The following DNAJC1 variants were observed in gnomAD, a reference collection of about 807,000 sequenced individuals.
The protein encoded by DNAJC1 is dnaJ homolog subfamily C member 1.
In DNAJC1, 58 loss-of-function variants were observed where a neutral mutation model predicts 76.6. The observed-to-expected ratio is 0.76, with a 90% CI of 0.61 to 0.94. The LOEUF is 0.94. Ranked by LOEUF, DNAJC1 falls within the 40% of genes least tolerant of loss-of-function variation. The pLI is 0.00. For missense variants in DNAJC1, 689 were observed against 677.3 expected (o/e 1.02, Z -0.19); for synonymous variants, 258 against 267.9 (o/e 0.96, Z 0.36).
At chr10:21,814,977 T>G (rs940988300) in intron 8 of DNAJC1, among the ~76,000 whole-genome samples, 3 of 152,148 alleles carry the variant, frequency 2.0e-5, no homozygotes, top group African/African-American at 7.2e-5. Context: ...TGGATTAAGG[T>G]AGACTCACCA....
intron 1 of DNAJC1, among the ~76,000 whole-genome samples, chr10:21,986,580 T>G (rs1003011861): frequency 2.6e-5 from 4 of 152,156 alleles, no homozygotes; most frequent in African/African-American, 9.7e-5. Flanking sequence ...AAAGTTTTAT[T>G]CTCTATCTGG....
At chr10:21,807,767 T>C (rs1188977371) in intron 8 of DNAJC1, among the ~76,000 whole-genome samples, 2 of 152,174 alleles carry the variant, frequency 1.3e-5, no homozygotes, top group Non-Finnish European at 2.9e-5. Flanking sequence ...ATAAATTCAC[T>C]TATATAAAAA....
intron 8 of DNAJC1, among the ~76,000 whole-genome samples, chr10:21,824,438 A>C (rs1458599698): frequency 2.0e-5 from 3 of 152,248 alleles, no homozygotes; most frequent in African/African-American, 7.2e-5. Context: ...TCGAAACAGG[A>C]AAAGTTTGGC....
At chr10:21,946,450 C>T (rs374119490) in intron 1 of DNAJC1, among the ~76,000 whole-genome samples, 14 of 151,892 alleles carry the variant, frequency 9.2e-5, no homozygotes, top group South Asian at 4.2e-4. Flanking sequence ...CCTACCAGAA[C>T]GGCCAAAATA....
intron 1 of DNAJC1, among the ~76,000 whole-genome samples, chr10:21,965,328 T>A (rs1236244190): frequency 6.6e-6 from 1 of 152,230 alleles, no homozygotes; most frequent in African/African-American, 2.4e-5. Flanking sequence ...AAATTGTGAA[T>A]ATAGTACAGT....
intron 7 of DNAJC1, among the ~76,000 whole-genome samples, chr10:21,885,038 T>A (rs1015931831): frequency 6.6e-6 from 1 of 152,104 alleles, no homozygotes; most frequent in Non-Finnish European, 1.5e-5. Flanking sequence ...AATGTCAATG[T>A]GCTAAATGCC....
At chr10:21,851,220 A>G (rs1835747058) in intron 8 of DNAJC1, among the ~76,000 whole-genome samples, 1 of 152,246 alleles carries the variant, frequency 6.6e-6, no homozygotes, top group Admixed American at 6.5e-5. Flanking sequence ...CTACAGGATG[A>G]GAGAAAATAT....
chr10:21,977,609 A>C (rs576828936), intron 1 of DNAJC1, among the ~76,000 whole-genome samples: 1 of 152,308 alleles, frequency 6.6e-6, no homozygotes, highest in East Asian at 1.9e-4. Context: ...TTCCCAGTGC[A>C]GGGGACCAAA....
chr10:21,958,686 A>G (rs538191606), intron 1 of DNAJC1, among the ~76,000 whole-genome samples: 2 of 152,176 alleles, frequency 1.3e-5, no homozygotes, highest in East Asian at 3.9e-4. Context: ...TCGGCCTCCC[A>G]AAGTGCTGGG....
chr10:21,836,708 AC>A, intron 8 of DNAJC1, among the ~76,000 whole-genome samples: 1 of 152,298 alleles, frequency 6.6e-6, no homozygotes, highest in East Asian at 1.9e-4. Context: ...CTTTAAACCA[AC>A]AAAGATCAAA....
chr10:21,807,657 AG>A (rs1834900490), intron 8 of DNAJC1, among the ~76,000 whole-genome samples: 1 of 152,240 alleles, frequency 6.6e-6, no homozygotes, highest in Non-Finnish European at 1.5e-5. Flanking sequence ...AGTAAATAAT[AG>A]CCAATAGTAG....
intron 9 of DNAJC1, among the ~76,000 whole-genome samples, chr10:21,767,201 A>C (rs535830557): frequency 3.9e-5 from 6 of 152,304 alleles, no homozygotes; most frequent in African/African-American, 1.4e-4. Flanking sequence ...CATTGGAGGA[A>C]GAATCTGTTG....
intron 1 of DNAJC1, among the ~76,000 whole-genome samples, chr10:21,976,867 T>C (rs575372621): frequency 1.3e-5 from 2 of 152,274 alleles, no homozygotes; most frequent in East Asian, 3.9e-4. Flanking sequence ...TGCCTTTCTC[T>C]AAGTCTTCTT....
chr10:21,917,599 C>T (rs1315825279), intron 6 of DNAJC1, among the ~76,000 whole-genome samples: 1 of 151,668 alleles, frequency 6.6e-6, no homozygotes, highest in Non-Finnish European at 1.5e-5. Flanking sequence ...AAAGACTTTC[C>T]CTCCCTCATT....
chr10:21,971,106 T>C (rs1440260622), intron 1 of DNAJC1, among the ~76,000 whole-genome samples: 1 of 151,816 alleles, frequency 6.6e-6, no homozygotes, highest in African/African-American at 2.4e-5. Context: ...AGTATTTTAG[T>C]TTTTCCTGAT....
At chr10:21,792,685 G>A (rs1313665982) in intron 9 of DNAJC1, among the ~76,000 whole-genome samples, 1 of 151,660 alleles carries the variant, frequency 6.6e-6, no homozygotes, top group Non-Finnish European at 1.5e-5. Context: ...CTTGAACCCG[G>A]GAGGCAGAGG....
intron 7 of DNAJC1, among the ~76,000 whole-genome samples, chr10:21,886,509 T>C (rs1024456941): frequency 6.6e-6 from 1 of 152,078 alleles, no homozygotes; most frequent in African/African-American, 2.4e-5. Flanking sequence ...TACTAAAACC[T>C]GGCAGAGCCA....
chr10:21,758,376 C>T (rs1005272477), intron 11 of DNAJC1, among the ~76,000 whole-genome samples: 2 of 152,136 alleles, frequency 1.3e-5, no homozygotes, highest in Admixed American at 1.3e-4. Context: ...AGGATCACAC[C>T]CTGGGGCTCT....
chr10:21,866,055 A>C (rs1320962909), intron 8 of DNAJC1: 1 of 151,506 alleles, frequency 6.6e-6, no homozygotes, highest in Non-Finnish European at 1.5e-5. Context: ...GAACTGCTTG[A>C]ACCTGGGAGG....
Sources: gnomAD v4.1 joint callset for allele counts (sites outside exome capture counted in the v4.1 genomes callset) on GRCh38, gnomAD v4.1.1 for gene constraint, MANE v1.5 for transcripts, NCBI Gene and HGNC (gene_info 2026-07-23, HGNC 2026-07-21) for gene names.